Variants in WDR17 observed in about 807,000 individuals in gnomAD.
WDR17 encodes WD repeat domain 17.
In WDR17, 143 loss-of-function variants were observed where a neutral mutation model predicts 161.7. That is an observed-to-expected ratio of 0.88 (90% CI 0.77 to 1.02). The LOEUF (loss-of-function observed/expected upper bound fraction) is 1.02, where lower values mean the gene tolerates loss of function less well. Among genes scored for constraint, WDR17 ranks in the 50% least tolerant of loss-of-function variants. The probability of loss-of-function intolerance (pLI) is 0.00; values close to 1 mark genes in which losing one functional copy is unlikely to be tolerated. For missense variants in WDR17, 1,469 were observed against 1,520.9 expected (o/e 0.97, Z 0.57); for synonymous variants, 517 against 515.6 (o/e 1.00, Z -0.04).
intron 5 of WDR17, among the ~76,000 whole-genome samples, chr4:176,128,448 T>C (rs1742805144): frequency 6.6e-6 from 1 of 152,148 alleles, no homozygotes; most frequent in African/African-American, 2.4e-5. Context: ...AGGGTCTTTT[T>C]TTGTGGTTGA....
At chr4:176,082,720 T>C (rs1734905532) in intron 1 of WDR17, among the ~76,000 whole-genome samples, 1 of 152,172 alleles carries the variant, frequency 6.6e-6, no homozygotes. Context: ...TTTGTGGAAA[T>C]ATAGTGTCTA....
intron 1 of WDR17, among the ~76,000 whole-genome samples, chr4:176,092,202 A>G (rs1736213568): frequency 6.6e-6 from 1 of 152,198 alleles, no homozygotes; most frequent in Non-Finnish European, 1.5e-5. Context: ...TATTCAGCAA[A>G]ATACTAGCAG....
In WDR17 at chr4:176,177,513, A is replaced by G. The variant is rs1751617031; in HGVS notation, c.3591A>G (p.Gln1197=). 1.3e-6 allele frequency: 2 copies of G among 1,586,400 alleles called. No homozygotes were observed. The highest frequency in any genetic ancestry group is 1.7e-6 in the Non-Finnish European group (2 of 1,172,696). The change falls in exon 28 of 29, where the codon CAA becomes CAG. Residue 1197 remains glutamine, a synonymous_variant. Coordinates refer to ENST00000508596, the MANE Select transcript of WDR17 (RefSeq NM_181265.4). ...CGTATACACCCCCTTCTGATTCACA[A>G]AGAATGATTTATGCAACTTTATTAA... is the stretch of plus-strand genomic sequence containing the variant. The part of the protein sequence containing the change: ...DSPYTPPSDS[Q]RMIYATLLKR...
intron 6 of WDR17, among the ~76,000 whole-genome samples, chr4:176,129,912 A>G (rs1743084121): frequency 6.6e-6 from 1 of 151,802 alleles, no homozygotes; most frequent in African/African-American, 2.4e-5. Flanking sequence ...TTTGTTTAGA[A>G]GCTTTGAACT....
intron 25 of WDR17, 145 bp downstream of exon 25, chr4:176,173,514 T>C (rs577697079): frequency 1.3e-5 from 7 of 552,452 alleles, no homozygotes; most frequent in African/African-American, 1.0e-4. Context: ...TTGTTTGTTA[T>C]ATATTTTTTT....
chr4:176,133,562 A>G (rs951593372), intron 7 of WDR17, among the ~76,000 whole-genome samples: 4 of 151,612 alleles, frequency 2.6e-5, no homozygotes, highest in African/African-American at 9.6e-5. Context: ...AAATTATTTC[A>G]GTTGCTTTTC....
intron 17 of WDR17, among the ~76,000 whole-genome samples, chr4:176,154,612 GTTAAT>G (rs888619273): frequency 1.3e-5 from 2 of 152,194 alleles, no homozygotes; most frequent in Non-Finnish European, 2.9e-5. Context: ...TGAATTCAAA[GTTAAT>G]TTAATCTACA....
chr4:176,129,394 G>A (rs899459122), intron 6 of WDR17, among the ~76,000 whole-genome samples: 3 of 151,816 alleles, frequency 2.0e-5, no homozygotes, highest in African/African-American at 4.8e-5. Context: ...TGTATCATTC[G>A]TTGCCTCTGT....
chr4:176,135,263 T>G lies in WDR17; in HGVS notation c.1254T>G (p.Leu418=). ...SPGNEGVIYS[L]SWAPGGLNCI... is the part of the protein sequence containing the mutation. Reference sequence around the variant, plus strand: ...GTAATGAAGGTGTTATTTATTCCCTTTCTTGGGCTCCAGGTAAGAGATATT... The same window carrying G: ...GTAATGAAGGTGTTATTTATTCCCTGTCTTGGGCTCCAGGTAAGAGATATT... The change falls in exon 8 of 29, where the codon CTT becomes CTG. Residue 418 remains leucine (L), a synonymous_variant. Coordinates refer to ENST00000508596, the MANE Select transcript of WDR17 (RefSeq NM_181265.4). 1.2e-6 allele frequency: 2 copies of G among 1,612,004 alleles called. No homozygotes were observed. Among genetic ancestry groups the G allele is most frequent in the Non-Finnish European group, 1.7e-6 (2 of 1,178,340 alleles).
chr4:176,149,956 G>A lies in WDR17; in HGVS notation c.2047G>A (p.Asp683Asn). Reference protein sequence around the residue: ...RSWEEIIGNTDYAIEPGTPPL... With the variant: ...RSWEEIIGNTNYAIEPGTPPL... ...TTGGGAAGAAATTATTGGGAACACT[G>A]GTATGGAACATATACATGTATTAGA... The change falls in exon 14 of 29, where the codon GAT becomes AAT. Residue 683 changes from aspartate (D) to asparagine (N), a missense_variant and splice_region_variant. Coordinates refer to ENST00000508596, the MANE Select transcript of WDR17 (RefSeq NM_181265.4). 2 of 1,612,006 alleles carry A rather than the reference G, an allele frequency of 1.2e-6. No homozygotes were observed. Among genetic ancestry groups the A allele is most frequent in the Non-Finnish European group, 1.7e-6 (2 of 1,179,598 alleles).
intron 7 of WDR17, among the ~76,000 whole-genome samples, chr4:176,132,167 C>A (rs185095258): frequency 1.3e-5 from 2 of 151,480 alleles, no homozygotes; most frequent in East Asian, 3.9e-4. Flanking sequence ...TTAAGTGATT[C>A]TATGAATTCT....
At chr4:176,125,460 T>C (rs1561138920) in intron 5 of WDR17, 105 bp downstream of exon 5, 2 of 1,307,006 alleles carry the variant, frequency 1.5e-6, no homozygotes, top group Non-Finnish European at 2.1e-6. Flanking sequence ...AATGTATTAA[T>C]AGCTCAATTA....
At chr4:176,101,792 A>G (rs1737874449) in intron 1 of WDR17, among the ~76,000 whole-genome samples, 1 of 152,168 alleles carries the variant, frequency 6.6e-6, no homozygotes. Context: ...TAGTCTTTTC[A>G]ACAAATGAGG....
rs746829277 is a variant in WDR17 at position 176,162,065 on chromosome 4, T to A, written c.2751-10T>A. 2.5e-6 allele frequency: 4 copies of A among 1,602,744 alleles called. No individual in the cohort carries two copies. The highest frequency in any genetic ancestry group is 3.4e-6 in the Non-Finnish European group (4 of 1,176,162). ...GTGTTTATATAGAATACACATTTTTTTCTTTCTAGACTCCTGCACAAAGTC... is the reference window on the plus strand; with the variant it reads ...GTGTTTATATAGAATACACATTTTTATCTTTCTAGACTCCTGCACAAAGTC... On this transcript the variant is annotated splice_polypyrimidine_tract_variant and intron_variant, in intron 20 of 28. Coordinates refer to ENST00000508596, the MANE Select transcript of WDR17 (RefSeq NM_181265.4).
intron 28 of WDR17, among the ~76,000 whole-genome samples, chr4:176,178,902 T>C (rs1751842004): frequency 6.6e-6 from 1 of 152,240 alleles, no homozygotes; most frequent in African/African-American, 2.4e-5. Context: ...TAGTTCTTTA[T>C]AACTACCCTG....
chr4:176,145,134 T>C (rs534426203), intron 11 of WDR17, among the ~76,000 whole-genome samples: 1 of 152,322 alleles, frequency 6.6e-6, no homozygotes, highest in South Asian at 2.1e-4. Flanking sequence ...TGATCCACAG[T>C]GTGTAACTGC....
At chr4:176,070,430 G>T (rs1733069980) in intron 1 of WDR17, among the ~76,000 whole-genome samples, 1 of 152,080 alleles carries the variant, frequency 6.6e-6, no homozygotes, top group Admixed American at 6.5e-5. Context: ...CTTATTTCAG[G>T]CCTCTGTCAA....
At chr4:176,077,999 C>T (rs1231899465) in intron 1 of WDR17, among the ~76,000 whole-genome samples, 1 of 151,970 alleles carries the variant, frequency 6.6e-6, no homozygotes, top group Admixed American at 6.6e-5. Context: ...TATTAGTTTG[C>T]ATTTTCTAGA....
At chr4:176,139,261 C>T (rs1438795772) in intron 9 of WDR17, among the ~76,000 whole-genome samples, 4 of 151,722 alleles carry the variant, frequency 2.6e-5, no homozygotes, top group East Asian at 1.9e-4. Context: ...CTGATCACAC[C>T]GTTGATGAAT....
Sources: gnomAD v4.1 joint callset for allele counts (sites outside exome capture counted in the v4.1 genomes callset) on GRCh38, gnomAD v4.1.1 for gene constraint, MANE v1.5 for transcripts, NCBI Gene and HGNC (gene_info 2026-07-23, HGNC 2026-07-21) for gene names.